NAV2: variants seen among roughly 807,000 people sequenced by gnomAD.
The protein encoded by NAV2 is neuron navigator 2.
Under a neutral mutation model 223.2 loss-of-function variants are expected in NAV2, and 54 were observed. The observed-to-expected ratio is 0.24, with a 90% CI of 0.19 to 0.30. The LOEUF (loss-of-function observed/expected upper bound fraction) is 0.30, where lower values mean the gene tolerates loss of function less well. Among genes scored for constraint, NAV2 ranks in the 10% least tolerant of loss-of-function variants. The probability of loss-of-function intolerance (pLI) is 1.00; values close to 1 mark genes in which losing one functional copy is unlikely to be tolerated. For missense variants in NAV2, 2,806 were observed against 3,147.5 expected (o/e 0.89, Z 2.60); for synonymous variants, 1,279 against 1,239.3 (o/e 1.03, Z -0.67).
chr11:20,083,065 C>T lies in NAV2; in HGVS notation c.5384C>T (p.Ser1795Phe), dbSNP rs1436479791. ...AAGAAGTCCCCAAAATCTGCGTCCT[C>T]TCATTCAGATATTGAGGAGATGACG... ...GKKKSPKSAS[S>F]HSDIEEMTDS... The change falls in exon 26 of 38, where the codon TCT becomes TTT. Residue 1795 changes from serine to phenylalanine, a missense_variant. By Grantham distance (155) the Ser-to-Phe change is radical. Around this residue, in one of 4 missense-constraint regions of NAV2, gnomAD observed 824 missense variants for 1,069.4 expected, o/e 0.77. Transcript: ENST00000349880. 1.9e-6 allele frequency: 3 copies of T among 1,614,198 alleles called. No homozygotes were observed. The highest frequency in any genetic ancestry group is 1.7e-5 in the Admixed American group (1 of 60,018).
Position 20,114,735 on chromosome 11 carries a change from G to A in NAV2, c.7104G>A (p.Met2368Ile). The A allele has an allele frequency of 2.5e-6, 4 of 1,614,148 alleles. No individual in the cohort carries two copies. The highest frequency in any genetic ancestry group is 3.3e-4 in the Middle Eastern group (2 of 6,060). ...ATGTCGGCTTCGACGGCTACTCCAT[G>A]CCTCGGGAGGGATCGACAAGCAAGC... is the stretch of plus-strand genomic sequence containing the variant. ...PEDVGFDGYS[M>I]PREGSTSKQM... Residue 2368 changes from methionine to isoleucine, a missense_variant, in exon 37 of 38, where the codon ATG becomes ATA. Met to Ile is a conservative substitution (Grantham distance 10). Around this residue, in one of 4 missense-constraint regions of NAV2, gnomAD observed 824 missense variants for 1,069.4 expected, o/e 0.77. Coordinates refer to ENST00000349880, the MANE Select transcript of NAV2 (RefSeq NM_145117.5).
intron 6 of NAV2, among the ~76,000 whole-genome samples, chr11:19,914,645 C>T (rs952644418): frequency 2.6e-5 from 4 of 151,744 alleles, no homozygotes; most frequent in South Asian, 2.1e-4. Context: ...CCCGGGTTCA[C>T]GCCATTCTCC....
intron 1 of NAV2, among the ~76,000 whole-genome samples, chr11:19,790,380 T>C (rs2057436326): frequency 6.6e-6 from 1 of 152,234 alleles, no homozygotes; most frequent in Admixed American, 6.5e-5. Context: ...CCAAAGTCTC[T>C]GACTTCCAGC....
intron 2 of NAV2, among the ~76,000 whole-genome samples, chr11:19,834,607 G>A (rs2060137084): frequency 6.6e-6 from 1 of 151,586 alleles, no homozygotes; most frequent in Admixed American, 6.6e-5. Context: ...TTGCATCTGA[G>A]CTGGGTTTTG....
intron 10 of NAV2, among the ~76,000 whole-genome samples, chr11:19,968,666 C>A (rs1036165142): frequency 1.3e-5 from 2 of 152,174 alleles, no homozygotes; most frequent in Non-Finnish European, 2.9e-5. Context: ...GAAGTGGAAG[C>A]GTTTGAACAA....
At chr11:19,905,727 T>C (rs2042812340) in intron 6 of NAV2, among the ~76,000 whole-genome samples, 1 of 152,180 alleles carries the variant, frequency 6.6e-6, no homozygotes, top group Non-Finnish European at 1.5e-5. Context: ...ATAGGACATA[T>C]GTGCTAGGGC....
intron 35 of NAV2, 45 bp downstream of exon 35, chr11:20,105,772 G>C: frequency 6.7e-7 from 1 of 1,502,464 alleles, no homozygotes; most frequent in Non-Finnish European, 9.2e-7. Context: ...GCATCCTCAG[G>C]TGCCCATCCT....
chr11:19,957,928 C>G (rs1371192735), intron 10 of NAV2, among the ~76,000 whole-genome samples: 4 of 152,314 alleles, frequency 2.6e-5, no homozygotes, highest in Non-Finnish European at 5.9e-5. Flanking sequence ...AAATGGGTGT[C>G]TTGTCTTCTC....
intron 1 of NAV2, among the ~76,000 whole-genome samples, chr11:19,649,409 C>G (rs767089386): frequency 3.9e-5 from 6 of 152,198 alleles, no homozygotes; most frequent in African/African-American, 1.2e-4. Flanking sequence ...TCACAGAATA[C>G]CTAGACTGAA....
chr11:19,740,725 G>A (rs1038364141), intron 1 of NAV2, among the ~76,000 whole-genome samples: 4 of 152,124 alleles, frequency 2.6e-5, no homozygotes. Context: ...CATTTATTGA[G>A]TGCTTACTGT....
intron 4 of NAV2, among the ~76,000 whole-genome samples, chr11:19,870,007 A>G (rs2062374193): frequency 6.6e-6 from 1 of 152,136 alleles, no homozygotes; most frequent in Admixed American, 6.5e-5. Context: ...GGTGGTATAA[A>G]TGACCACTAT....
At chr11:19,458,656 A>G (rs1852044078) in intron 1 of NAV2, among the ~76,000 whole-genome samples, 1 of 152,250 alleles carries the variant, frequency 6.6e-6, no homozygotes, top group African/African-American at 2.4e-5. Flanking sequence ...TCCAAGTCCC[A>G]GAGCTAGTGA....
intron 1 of NAV2, among the ~76,000 whole-genome samples, chr11:19,434,369 T>G (rs1448601340): frequency 6.6e-6 from 1 of 152,220 alleles, no homozygotes; most frequent in Admixed American, 6.5e-5. Context: ...GATGGAGAAC[T>G]GAAGCATTTT....
chr11:19,887,973 G>T lies in NAV2; in HGVS notation c.771-4461G>T, dbSNP rs548069431. Among the ~76,000 whole-genome samples, 27 of 150,222 alleles carry T rather than the reference G, an allele frequency of 1.8e-4. 1 individual carries two copies. The highest frequency in any genetic ancestry group is 6.1e-4 in the African/African-American group (25 of 41,032). On this transcript the variant is annotated intron_variant, in intron 5 of 37. Coordinates refer to ENST00000349880, the MANE Select transcript of NAV2 (RefSeq NM_145117.5). The stretch of plus-strand genomic sequence containing the variant: ...TGTTTTTTTTTTTTGCCATCAGCAC[G>T]TACATCGCGTGGAACAGAGGAGCCG...
At chr11:19,477,957 G>C (rs1054998604) in intron 1 of NAV2, among the ~76,000 whole-genome samples, 1 of 152,204 alleles carries the variant, frequency 6.6e-6, no homozygotes, top group Non-Finnish European at 1.5e-5. Context: ...CAAATGCAAT[G>C]TCATTCAATA....
chr11:19,523,883 T>C (rs2043757057), intron 1 of NAV2, among the ~76,000 whole-genome samples: 1 of 152,238 alleles, frequency 6.6e-6, no homozygotes, highest in African/African-American at 2.4e-5. Flanking sequence ...AGTTCTCTCT[T>C]ACCTCCTGGC....
At chr11:19,477,454 T>C (rs1457134440) in intron 1 of NAV2, among the ~76,000 whole-genome samples, 4 of 152,218 alleles carry the variant, frequency 2.6e-5, no homozygotes, top group Non-Finnish European at 5.9e-5. Context: ...CTTACAGTCC[T>C]ACAAGTAACA....
intron 22 of NAV2, among the ~76,000 whole-genome samples, chr11:20,068,899 G>A (rs550642748): frequency 5.1e-4 from 78 of 152,112 alleles, no homozygotes; most frequent in Non-Finnish European, 6.3e-4. Context: ...GCTATGCCCC[G>A]GGCACTGTGG....
chr11:19,487,086 C>T (rs1430801226), intron 1 of NAV2, among the ~76,000 whole-genome samples: 2 of 152,216 alleles, frequency 1.3e-5, no homozygotes, highest in East Asian at 1.9e-4. Flanking sequence ...GGCTTTCCCT[C>T]ACTGGGCCTC....
Sources: allele counts gnomAD v4.1 joint callset (sites outside exome capture counted in the v4.1 genomes callset), GRCh38; gene constraint gnomAD v4.1.1; regional missense constraint gnomAD v4.1.1; transcripts MANE v1.5; gene names NCBI Gene and HGNC (gene_info 2026-07-23, HGNC 2026-07-21).